The following CNTN5 variants were observed in gnomAD, a reference collection of about 807,000 sequenced individuals.
The protein encoded by CNTN5 is contactin-5.
A neutral mutation model predicts 129.1 loss-of-function variants in CNTN5; 77 were observed. The observed-to-expected ratio is 0.60, with a 90% CI of 0.50 to 0.72. The LOEUF (loss-of-function observed/expected upper bound fraction) is 0.72, where lower values mean the gene tolerates loss of function less well. Ranked by LOEUF, CNTN5 falls within the 30% of genes least tolerant of loss-of-function variation. The probability of loss-of-function intolerance (pLI) is 0.00; values close to 1 mark genes in which losing one functional copy is unlikely to be tolerated. For missense variants in CNTN5, 1,478 were observed against 1,328.8 expected, an observed-to-expected ratio of 1.11 and a Z score of -1.75; for synonymous variants, 509 against 465.6, an observed-to-expected ratio of 1.09 and a Z score of -1.20.
At chr11:99,122,789 A>G (rs1301542923) in intron 1 of CNTN5, among the ~76,000 whole-genome samples, 1 of 152,162 alleles carries the variant, frequency 6.6e-6, no homozygotes, top group Non-Finnish European at 1.5e-5. Flanking sequence ...AAATGAGAAC[A>G]TACAGTATAT....
intron 23 of CNTN5, among the ~76,000 whole-genome samples, chr11:100,342,002 C>A (rs1344807263): frequency 6.6e-6 from 1 of 151,634 alleles, no homozygotes; most frequent in Non-Finnish European, 1.5e-5. Context: ...TTTCAACTAT[C>A]AGAGATGGTA....
At chr11:99,130,259 A>G (rs554425958) in intron 1 of CNTN5, among the ~76,000 whole-genome samples, 4 of 152,222 alleles carry the variant, frequency 2.6e-5, no homozygotes, top group Non-Finnish European at 5.9e-5. Flanking sequence ...AAATAAAAAG[A>G]TGGAGGGAGA....
chr11:99,229,303 G>A (rs527408744), intron 1 of CNTN5, among the ~76,000 whole-genome samples: 15 of 151,904 alleles, frequency 9.9e-5, no homozygotes, highest in African/African-American at 3.4e-4. Context: ...GGCTTAAATC[G>A]CTCTTACTGG....
intron 8 of CNTN5, among the ~76,000 whole-genome samples, chr11:100,000,293 A>G (rs1037593932): frequency 1.3e-5 from 2 of 152,236 alleles, no homozygotes; most frequent in African/African-American, 4.8e-5. Context: ...GGCATTGGGT[A>G]AATGTTCCCA....
Position 100,191,128 on chromosome 11 carries a change from T to C in CNTN5, c.1583T>C (p.Ile528Thr), listed in dbSNP as rs775769242. Residue 528 changes from isoleucine to threonine, a missense_variant and splice_region_variant, in exon 14 of 25, where the codon ATA (isoleucine) becomes ACA (threonine). Coordinates refer to ENST00000524871, the MANE Select transcript of CNTN5 (RefSeq NM_014361.4). ...AACTGTTTTTAAATAATTTTCAGAA[T>C]AGCTATTCTTCCAGACGGGAGTCTA... is the stretch of plus-strand genomic sequence containing the variant. ...GDRAVRENKR[I>T]AILPDGSLRI... 71 of 1,582,984 alleles carry C rather than the reference T, an allele frequency of 4.5e-5. No homozygotes were observed. The highest frequency in any genetic ancestry group is 5.7e-5 in the Non-Finnish European group (66 of 1,166,534).
intron 13 of CNTN5, among the ~76,000 whole-genome samples, chr11:100,161,830 T>TACACACACACACACACACACACACAC (rs71050053): frequency 2.4e-5 from 3 of 125,830 alleles, no homozygotes; most frequent in African/African-American, 6.8e-5. Context: ...TGGAGCTTCC[T>TACACACACACACACACACACACACAC]ACACACACAC....
chr11:99,450,383 C>G (rs1944253442), intron 2 of CNTN5, among the ~76,000 whole-genome samples: 1 of 151,766 alleles, frequency 6.6e-6, no homozygotes, highest in African/African-American at 2.4e-5. Context: ...TCATTATGCC[C>G]AGTAATGTTC....
At chr11:99,110,525 G>A (rs1255380090) in intron 1 of CNTN5, among the ~76,000 whole-genome samples, 2 of 152,116 alleles carry the variant, frequency 1.3e-5, no homozygotes, top group African/African-American at 2.4e-5. Context: ...ACCAGCAAAG[G>A]TGGTACTTCT....
chr11:99,896,326 T>C (rs1949205533), intron 6 of CNTN5, among the ~76,000 whole-genome samples: 1 of 152,156 alleles, frequency 6.6e-6, no homozygotes, highest in East Asian at 1.9e-4. Flanking sequence ...GTGTTCTGAG[T>C]ACATACCTTC....
Position 100,074,201 on chromosome 11 carries a change from A to G in CNTN5, c.1487A>G (p.Asp496Gly). The change falls in exon 13 of 25, where the codon GAC (aspartate) becomes GGC (glycine). Residue 496 changes from aspartate (D) to glycine (G), a missense_variant. Transcript: ENST00000524871. ...QLKKTIIVTK[D>G]QEVVIECKPQ... ...AAGAAAACAATAATTGTTACCAAAGACCAAGAAGTTGTCATAGAGTGCAAA... is the reference window on the plus strand; with the variant it reads ...AAGAAAACAATAATTGTTACCAAAGGCCAAGAAGTTGTCATAGAGTGCAAA... The G allele has an allele frequency of 6.2e-7, 1 of 1,612,620 alleles. No homozygotes were observed. The highest frequency in any genetic ancestry group is 8.5e-7 in the Non-Finnish European group (1 of 1,179,224).
intron 17 of CNTN5, among the ~76,000 whole-genome samples, chr11:100,267,156 G>A (rs1465489175): frequency 6.6e-6 from 1 of 151,846 alleles, no homozygotes; most frequent in Non-Finnish European, 1.5e-5. Flanking sequence ...AAATTCCATG[G>A]ACTGAGTGGA....
intron 2 of CNTN5, among the ~76,000 whole-genome samples, chr11:99,523,333 G>GCACCC (rs1947338716): frequency 6.6e-6 from 1 of 152,152 alleles, no homozygotes; most frequent in African/African-American, 2.4e-5. Flanking sequence ...GGCTGGCTGG[G>GCACCC]TGCAGTGGCT....
intron 8 of CNTN5, among the ~76,000 whole-genome samples, chr11:99,981,856 A>G (rs1938371153): frequency 6.6e-6 from 1 of 152,230 alleles, no homozygotes; most frequent in Admixed American, 6.5e-5. Context: ...ACTTACCATA[A>G]TCAGAGCCCA....
chr11:99,427,111 T>G (rs1943154028), intron 2 of CNTN5, among the ~76,000 whole-genome samples: 2 of 152,064 alleles, frequency 1.3e-5, no homozygotes, highest in African/African-American at 2.4e-5. Context: ...CTGTTAGGGG[T>G]CCATTTACAT....
At chr11:99,727,374 T>G (rs1444002865) in intron 3 of CNTN5, among the ~76,000 whole-genome samples, 2 of 149,288 alleles carry the variant, frequency 1.3e-5, no homozygotes, top group African/African-American at 4.9e-5. Context: ...TATTAGAATA[T>G]TGTTATGAAA....
chr11:100,297,218 G>A (rs1032486853), intron 18 of CNTN5, among the ~76,000 whole-genome samples: 1 of 151,438 alleles, frequency 6.6e-6, no homozygotes, highest in Admixed American at 6.6e-5. Flanking sequence ...GTTCTGGTAA[G>A]GCAGTAATGC....
intron 21 of CNTN5, among the ~76,000 whole-genome samples, chr11:100,321,233 T>G (rs890594691): frequency 2.6e-5 from 4 of 151,976 alleles, no homozygotes; most frequent in Non-Finnish European, 4.4e-5. Flanking sequence ...TTTTAATCAA[T>G]GTTTTATAGT....
Position 99,205,962 on chromosome 11 carries a change from G to A in CNTN5, c.-209-119384G>A, listed in dbSNP as rs17133227. On this transcript the variant is annotated intron_variant, in intron 1 of 24. Transcript: ENST00000524871. ...TGATAGACTATATGACTTGAAATTAGTCTTGATCCTCACTTCTGACCTGCT... is the reference window on the plus strand; with the variant it reads ...TGATAGACTATATGACTTGAAATTAATCTTGATCCTCACTTCTGACCTGCT... Among the ~76,000 whole-genome samples the A allele has an allele frequency of 9.6e-3, 1,466 of 152,114 alleles. 11 individuals are homozygous for A. Among genetic ancestry groups the A allele is most frequent in the Non-Finnish European group, 0.012 (802 of 68,012 alleles).
intron 8 of CNTN5, among the ~76,000 whole-genome samples, chr11:99,972,090 A>T (rs1258191949): frequency 1.8e-4 from 11 of 61,032 alleles, no homozygotes; most frequent in African/African-American, 8.2e-4. Context: ...TCTATTAAAA[A>T]AAAAAAAAAA....
Sources: allele counts gnomAD v4.1 joint callset (sites outside exome capture counted in the v4.1 genomes callset), GRCh38; gene constraint gnomAD v4.1.1; transcripts MANE v1.5; gene names NCBI Gene and HGNC (gene_info 2026-07-23, HGNC 2026-07-21).